Variants in SKAP2 observed in about 807,000 individuals in gnomAD.
SKAP2 encodes src kinase-associated phosphoprotein 2.
In SKAP2, 28 loss-of-function variants were observed where a neutral mutation model predicts 54.9. The observed-to-expected ratio is 0.51, with a 90% CI of 0.38 to 0.70. The LOEUF is 0.70. SKAP2 is among the 30% of genes least tolerant of loss of function. SKAP2 has a pLI of 0.00. For synonymous variants in SKAP2, 137 were observed against 134.3 expected (o/e 1.02, Z -0.14); for missense variants, 356 against 424.1 (o/e 0.84, Z 1.41).
chr7:26,859,233 T>C (rs1005404132), intron 1 of SKAP2, among the ~76,000 whole-genome samples: 3 of 145,938 alleles, frequency 2.1e-5, no homozygotes, highest in African/African-American at 7.7e-5. Flanking sequence ...CTTAATATGA[T>C]AGGGATCCTA....
chr7:26,749,745 C>CAATAAT lies in SKAP2; in HGVS notation c.308-9787_308-9782dup, dbSNP rs68049436. ...AGTGAGACCCTGTCTCAAATAATAA[C>CAATAAT]AATAATAATAATAATAATAATAATA... On this transcript the variant is annotated intron_variant, in intron 4 of 12. Coordinates refer to ENST00000345317, the MANE Select transcript of SKAP2 (RefSeq NM_003930.5). Among the ~76,000 whole-genome samples, 714 of 144,742 alleles carry CAATAAT rather than the reference C, an allele frequency of 4.9e-3. 5 individuals carry two copies. The highest frequency in any genetic ancestry group is 0.029 in the Middle Eastern group (8 of 272). The allele number at this position is 144,742 out of a possible 152,430, so 95.0% of individuals were successfully genotyped here.
rs78849614 is a variant in SKAP2 at position 26,696,047 on chromosome 7, C to G, written c.797-5685G>C. 2.2e-4 allele frequency among the ~76,000 whole-genome samples: 34 copies of G among 152,166 alleles called. No individual in the cohort carries two copies. The East Asian group carries it at 6.0e-3, about 27-fold the overall frequency. On this transcript the variant is annotated intron_variant, in intron 9 of 12. Transcript: ENST00000345317. ...GAAGAAGGGTTGGAAAAGTTAGAGT[C>G]GAATCTAAGGGGTATGGGCAAAAGA...
intron 4 of SKAP2, among the ~76,000 whole-genome samples, chr7:26,743,245 T>C (rs1262969951): frequency 2.6e-5 from 4 of 152,220 alleles, no homozygotes; most frequent in Non-Finnish European, 4.4e-5. Flanking sequence ...TTGCACATAG[T>C]AGGCATTCAG....
At chr7:26,689,949 C>G (rs1346816807) in intron 10 of SKAP2, among the ~76,000 whole-genome samples, 1 of 152,170 alleles carries the variant, frequency 6.6e-6, no homozygotes, top group Non-Finnish European at 1.5e-5. Flanking sequence ...CATGTTGTAT[C>G]TATAAACTGT....
At chr7:26,851,953 C>A (rs1785053309) in intron 3 of SKAP2, among the ~76,000 whole-genome samples, 1 of 151,906 alleles carries the variant, frequency 6.6e-6, no homozygotes, top group African/African-American at 2.4e-5. Flanking sequence ...CCAATAGTGA[C>A]ATCAAAATGA....
chr7:26,691,495 C>G (rs979209057), intron 9 of SKAP2, among the ~76,000 whole-genome samples: 14 of 152,170 alleles, frequency 9.2e-5, no homozygotes, highest in African/African-American at 3.4e-4. Flanking sequence ...TGTAACTATT[C>G]AATCAATCAG....
intron 4 of SKAP2, among the ~76,000 whole-genome samples, chr7:26,768,277 C>G (rs562995367): frequency 8.1e-6 from 1 of 123,436 alleles, no homozygotes; most frequent in Non-Finnish European, 1.7e-5. Flanking sequence ...GATTGCAACC[C>G]CTGCTTTTTT....
intron 9 of SKAP2, among the ~76,000 whole-genome samples, chr7:26,700,885 C>A (rs1787008359): frequency 6.6e-6 from 1 of 152,230 alleles, no homozygotes; most frequent in African/African-American, 2.4e-5. Context: ...AGCTCAATGA[C>A]TTCATTTACA....
chr7:26,787,961 T>G (rs561935905), intron 4 of SKAP2, among the ~76,000 whole-genome samples: 1 of 152,294 alleles, frequency 6.6e-6, no homozygotes, highest in East Asian at 1.9e-4. Context: ...CTGTAAGTGA[T>G]TCTCATGCCT....
chr7:26,842,005 A>T (rs1784826496), intron 4 of SKAP2, among the ~76,000 whole-genome samples: 1 of 151,950 alleles, frequency 6.6e-6, no homozygotes, highest in Admixed American at 6.6e-5. Context: ...CATCAAAGGA[A>T]AGAGAACACA....
chr7:26,857,719 C>G, intron 1 of SKAP2: 1 of 985,404 alleles, frequency 1.0e-6, no homozygotes, highest in African/African-American at 1.7e-5. Context: ...CCTCACTAGA[C>G]AAATGGGGCT....
intron 4 of SKAP2, among the ~76,000 whole-genome samples, chr7:26,746,174 T>G (rs1159025505): frequency 6.6e-6 from 1 of 152,210 alleles, no homozygotes; most frequent in Non-Finnish European, 1.5e-5. Flanking sequence ...AGGGTACATT[T>G]AGTACTTAGC....
intron 4 of SKAP2, among the ~76,000 whole-genome samples, chr7:26,766,684 G>T (rs190150896): frequency 3.3e-5 from 5 of 151,872 alleles, no homozygotes; most frequent in Non-Finnish European, 2.9e-5. Context: ...AGCATGAAGG[G>T]CTGTTTTTAT....
At chr7:26,687,687 A>C (rs1190632953) in intron 10 of SKAP2, among the ~76,000 whole-genome samples, 1 of 152,110 alleles carries the variant, frequency 6.6e-6, no homozygotes, top group African/African-American at 2.4e-5. Context: ...TTAAAATTTA[A>C]AGTGTAGCTA....
chr7:26,714,254 T>C (rs1401580557), intron 9 of SKAP2, among the ~76,000 whole-genome samples: 1 of 152,178 alleles, frequency 6.6e-6, no homozygotes, highest in Non-Finnish European at 1.5e-5. Flanking sequence ...ATTTGGGATC[T>C]AGTCCAAAAA....
chr7:26,850,881 A>G (rs563704766), intron 3 of SKAP2, among the ~76,000 whole-genome samples: 5 of 152,302 alleles, frequency 3.3e-5, no homozygotes, highest in African/African-American at 1.2e-4. Flanking sequence ...ATGTAAAGAT[A>G]AAAGAAGAAT....
At chr7:26,792,623 A>G (rs778939205) in intron 4 of SKAP2, among the ~76,000 whole-genome samples, 2 of 152,246 alleles carry the variant, frequency 1.3e-5, no homozygotes, top group Non-Finnish European at 2.9e-5. Context: ...TACTTTTCTT[A>G]ATATTTTATC....
chr7:26,721,749 TTTG>T (rs1276509651), intron 9 of SKAP2, among the ~76,000 whole-genome samples: 5 of 152,188 alleles, frequency 3.3e-5, no homozygotes, highest in African/African-American at 1.2e-4. Context: ...GAAAAATCTT[TTTG>T]TTGTTGTTGT....
At chr7:26,753,544 A>G (rs1782729211) in intron 4 of SKAP2, among the ~76,000 whole-genome samples, 1 of 152,236 alleles carries the variant, frequency 6.6e-6, no homozygotes, top group Non-Finnish European at 1.5e-5. Flanking sequence ...TATAAATGAT[A>G]GTGCAACTAA....
Sources: allele counts gnomAD v4.1 joint callset (sites outside exome capture counted in the v4.1 genomes callset), GRCh38; gene constraint gnomAD v4.1.1; transcripts MANE v1.5; gene names NCBI Gene and HGNC (gene_info 2026-07-23, HGNC 2026-07-21).